NXPE1: variants seen among roughly 807,000 people sequenced by gnomAD.
NXPE1 encodes the protein neurexophilin and PC-esterase domain family member 1, also known as NXPE family member 1.
In NXPE1, 31 loss-of-function variants were observed where a neutral mutation model predicts 33.3. That is an observed-to-expected ratio of 0.93 (90% CI 0.70 to 1.26). The LOEUF (loss-of-function observed/expected upper bound fraction) is 1.26, where lower values mean the gene tolerates loss of function less well. Among genes scored for constraint, NXPE1 ranks in the 50% most tolerant of loss-of-function variants. The pLI is 0.00. For missense variants in NXPE1, 661 were observed against 655.6 expected (o/e 1.01, Z -0.09); for synonymous variants, 229 against 231.4 (o/e 0.99, Z 0.09).
intron 1 of NXPE1, chr11:114,553,728 G>A (rs571366091): frequency 1.1e-5 from 11 of 985,342 alleles, no homozygotes; most frequent in Non-Finnish European, 2.4e-6. Flanking sequence ...ATATCCCAGT[G>A]TCTTTAAGAT....
chr11:114,542,122 G>A (rs193037518), intron 5 of NXPE1, among the ~76,000 whole-genome samples: 131 of 152,154 alleles, frequency 8.6e-4, no homozygotes, highest in Middle Eastern at 3.4e-3. Flanking sequence ...TATCTGCTTT[G>A]TAAATTGTTC....
intron 5 of NXPE1, among the ~76,000 whole-genome samples, chr11:114,541,014 A>AC (rs1454242989): frequency 1.3e-5 from 2 of 151,634 alleles, no homozygotes; most frequent in Non-Finnish European, 2.9e-5. Flanking sequence ...TCTCTAGCTG[A>AC]CCCCTGAGGC....
chr11:114,522,993 G>A lies in NXPE1; in HGVS notation c.994C>T (p.Gln332Ter), dbSNP rs760342278. 44 of 1,613,546 alleles carry A rather than the reference G, an allele frequency of 2.7e-5. No homozygotes were observed. The South Asian group carries it at 4.7e-4, about 17-fold the overall frequency. ...ATCTTAATTGTGTCTAACTGAACCT[G>A]GTTGCAAAATGTTGTTATCCATTTT... is the stretch of plus-strand genomic sequence containing the variant. The change falls in exon 8 of 9, where the codon CAG becomes TAG. Residue 332 changes from glutamine to a stop codon, truncating the protein, a stop_gained. Transcript: ENST00000534921. LOFTEE classifies it high-confidence loss of function.
chr11:114,554,584 A>G lies in NXPE1; in HGVS notation c.-210-1704T>C, dbSNP rs1422903346. On this transcript the variant is annotated intron_variant, in intron 1 of 8. Coordinates refer to ENST00000534921, the Ensembl canonical transcript of NXPE1. ...TTATATAGTCAAATAGCATTTTTTA[A>G]TTAACATGCTAAATAACAAAATTTA... Among the ~76,000 whole-genome samples the G allele has an allele frequency of 2.6e-5, 4 of 152,212 alleles. No individual in the cohort carries two copies. In the East Asian group the frequency reaches 7.7e-4, roughly 29 times the overall value.
At chr11:114,539,110 A>T (rs1050485462) in intron 5 of NXPE1, among the ~76,000 whole-genome samples, 24 of 152,262 alleles carry the variant, frequency 1.6e-4, no homozygotes, top group African/African-American at 5.5e-4. Flanking sequence ...GCCATAAAAA[A>T]TAATGAGTTC....
intron 5 of NXPE1, among the ~76,000 whole-genome samples, chr11:114,540,078 C>T (rs1177539859): frequency 6.6e-6 from 1 of 152,194 alleles, no homozygotes; most frequent in Non-Finnish European, 1.5e-5. Context: ...GCCTCAGCCG[C>T]CTGAATAGCT....
chr11:114,556,977 C>T (rs977109562), intron 1 of NXPE1, among the ~76,000 whole-genome samples: 1 of 151,614 alleles, frequency 6.6e-6, no homozygotes, highest in Non-Finnish European at 1.5e-5. Context: ...ACTGCAACCT[C>T]TGTCTCCTGG....
At chr11:114,522,131 T>C (rs138493197) in exon 9 of NXPE1, 3 of 1,614,006 alleles carry the variant, frequency 1.9e-6, no homozygotes, top group African/African-American at 1.3e-5. Flanking sequence ...AATATAACCA[T>C]GGAAGTCTCC....
downstream of NXPE1, among the ~76,000 whole-genome samples, chr11:114,519,303 G>GTTCTCTCATTGGTTCTATCCC (rs1947153452): frequency 6.6e-6 from 1 of 152,118 alleles, no homozygotes; most frequent in Non-Finnish European, 1.5e-5. Context: ...ATCATATGCT[G>GTTCTCTCATTGGTTCTATCCC]TTCTCTCATT....
chr11:114,547,739 AG>A (rs1346556568), intron 5 of NXPE1, among the ~76,000 whole-genome samples: 1 of 152,196 alleles, frequency 6.6e-6, no homozygotes, highest in Admixed American at 6.5e-5. Context: ...TGTCTCAAAA[AG>A]GAAAAGAAAT....
At chr11:114,547,799 T>G (rs1338111330) in intron 5 of NXPE1, among the ~76,000 whole-genome samples, 2 of 152,066 alleles carry the variant, frequency 1.3e-5, no homozygotes, top group Non-Finnish European at 1.5e-5. Flanking sequence ...AAATGCATAT[T>G]AGGTAGAAAT....
chr11:114,538,917 A>G (rs571945088), intron 5 of NXPE1, among the ~76,000 whole-genome samples: 1 of 152,302 alleles, frequency 6.6e-6, no homozygotes, highest in East Asian at 1.9e-4. Context: ...CATTTGACCC[A>G]GCCATCCCAT....
chr11:114,521,866 T>C, exon 9 of NXPE1: 3 of 920,108 alleles, frequency 3.3e-6, no homozygotes, highest in African/African-American at 3.3e-5. Flanking sequence ...TTCTTTTAAA[T>C]TTATTTTCCT....
downstream of NXPE1, among the ~76,000 whole-genome samples, chr11:114,521,300 A>T (rs927913771): frequency 5.3e-5 from 8 of 152,116 alleles, no homozygotes; most frequent in Non-Finnish European, 1.2e-4. Flanking sequence ...TATTGCTATG[A>T]CCTCATGGAT....
At chr11:114,519,371 T>A (rs1417846061), downstream of NXPE1, among the ~76,000 whole-genome samples, 1 of 152,184 alleles carries the variant, frequency 6.6e-6, no homozygotes, top group African/African-American at 2.4e-5. Context: ...TCTAAAGAGA[T>A]GGTAAAACCT....
intron 5 of NXPE1, among the ~76,000 whole-genome samples, chr11:114,538,905 A>T (rs1388258296): frequency 6.6e-6 from 1 of 152,172 alleles, no homozygotes; most frequent in East Asian, 1.9e-4. Context: ...AACTAGAAAT[A>T]CCATTTGACC....
chr11:114,521,148 G>T (rs181171490), downstream of NXPE1, among the ~76,000 whole-genome samples: 28 of 151,816 alleles, frequency 1.8e-4, no homozygotes, highest in East Asian at 4.8e-3. Context: ...ATCTATTAGG[G>T]TTATTGATTT....
chr11:114,556,920 TCTCA>T (rs772041130), intron 1 of NXPE1, among the ~76,000 whole-genome samples: 11 of 150,510 alleles, frequency 7.3e-5, no homozygotes, highest in African/African-American at 2.4e-5. Context: ...TGAGACAGAG[TCTCA>T]CTCTGTTGCC....
At chr11:114,549,009 G>T (rs1361927612) in intron 5 of NXPE1, among the ~76,000 whole-genome samples, 1 of 151,818 alleles carries the variant, frequency 6.6e-6, no homozygotes, top group African/African-American at 2.4e-5. Context: ...GTAACAAGAT[G>T]ATTTTCACAA....
Sources: gnomAD v4.1 joint callset for allele counts (sites outside exome capture counted in the v4.1 genomes callset) on GRCh38, gnomAD v4.1.1 for gene constraint, MANE v1.5 for transcripts, NCBI Gene and HGNC (gene_info 2026-07-23, HGNC 2026-07-21) for gene names.